The following PLPP1 variants were observed in gnomAD, a reference collection of about 807,000 sequenced individuals.
The protein encoded by PLPP1 is lipid phosphate phosphohydrolase 1a.
Under a neutral mutation model 31.2 loss-of-function variants are expected in PLPP1, and 24 were observed. That is an observed-to-expected ratio of 0.77 (90% CI 0.56 to 1.08). The LOEUF (loss-of-function observed/expected upper bound fraction) is 1.08, where lower values mean the gene tolerates loss of function less well. Among genes scored for constraint, PLPP1 ranks in the 50% least tolerant of loss-of-function variants. The pLI is 0.00. For synonymous variants in PLPP1, 146 were observed against 126.3 expected, an observed-to-expected ratio of 1.16 and a Z score of -1.05; for missense variants, 319 against 342.7, an observed-to-expected ratio of 0.93 and a Z score of 0.55.
chr5:55,433,006 G>C (rs1340584062), intron 4 of PLPP1, among the ~76,000 whole-genome samples: 1 of 151,878 alleles, frequency 6.6e-6, no homozygotes, highest in African/African-American at 2.4e-5. Context: ...TGAGCAATGA[G>C]GCAAGAGAAA....
At position 55,449,046 on chromosome 5, in the gene PLPP1, A is replaced by G. The variant is rs1361816772; in HGVS notation, c.492-7138T>C. On this transcript the variant is annotated intron_variant, in intron 3 of 5. Coordinates refer to ENST00000307259, the MANE Select transcript of PLPP1 (RefSeq NM_003711.4). ...TACAGATGCAATTTTTTTCACAAGT[A>G]TTTTCAATCCACAGTTAGTTGAATC... is the stretch of plus-strand genomic sequence containing the variant. Among the ~76,000 whole-genome samples, 4 of 152,246 alleles carry G rather than the reference A, an allele frequency of 2.6e-5. No individual in the cohort carries two copies. In the South Asian group the frequency reaches 8.3e-4, roughly 32 times the overall value.
intron 4 of PLPP1, among the ~76,000 whole-genome samples, chr5:55,435,191 TACCTC>T (rs1308657596): frequency 1.3e-5 from 2 of 152,076 alleles, no homozygotes; most frequent in African/African-American, 4.8e-5. Flanking sequence ...ACCACAATCT[TACCTC>T]AGTTAGAATG....
chr5:55,452,672 C>A (rs974726540), intron 3 of PLPP1, among the ~76,000 whole-genome samples: 4 of 152,226 alleles, frequency 2.6e-5, no homozygotes, highest in Non-Finnish European at 5.9e-5. Flanking sequence ...TCCAAGAAAC[C>A]TTTCCTAAAA....
chr5:55,501,966 A>G lies in PLPP1; in HGVS notation c.59-26516T>C, dbSNP rs191924051. On this transcript the variant is annotated intron_variant, in intron 1 of 5. Transcript: ENST00000307259. ...TAGTCACCACTTCTTGAAAAATCTT[A>G]TAAAATAATGGCACTCAGGCAGATC... 3.8e-4 allele frequency among the ~76,000 whole-genome samples: 58 copies of G among 152,354 alleles called. No homozygotes were observed. In the East Asian group the frequency reaches 0.01, roughly 27 times the overall value.
At chr5:55,455,924 A>C (rs1437372184) in intron 3 of PLPP1, among the ~76,000 whole-genome samples, 1 of 152,202 alleles carries the variant, frequency 6.6e-6, no homozygotes, top group African/African-American at 2.4e-5. Flanking sequence ...TGAACCATTA[A>C]AATTTAAGGG....
chr5:55,424,913 A>G lies in PLPP1; in HGVS notation c.*293T>C, dbSNP rs1751127397. 1 of 656,820 alleles carries G rather than the reference A, an allele frequency of 1.5e-6. No individual in the cohort carries two copies. The allele number at this position is 656,820 out of a possible 1,614,324, so 40.7% of individuals were successfully genotyped here. ...TTTAAATCAAACATCATTCATAGAA[A>G]GCATATTACATACATGTTTATACAT... On this transcript the variant is annotated 3_prime_UTR_variant, in exon 6 of 6. Transcript: ENST00000307259.
chr5:55,480,000 T>G (rs887793555), intron 1 of PLPP1, among the ~76,000 whole-genome samples: 1 of 152,180 alleles, frequency 6.6e-6, no homozygotes, highest in South Asian at 2.1e-4. Context: ...TCCAAAAGGG[T>G]TAGTGCACAC....
At chr5:55,431,666 A>G (rs1462224072) in intron 4 of PLPP1, among the ~76,000 whole-genome samples, 1 of 152,222 alleles carries the variant, frequency 6.6e-6, no homozygotes, top group African/African-American at 2.4e-5. Flanking sequence ...AAATCTAGAA[A>G]GATTTCAAGT....
chr5:55,462,849 TGTAGATCCAGCTACTCAA>T (rs1752195633), intron 3 of PLPP1, among the ~76,000 whole-genome samples: 1 of 151,920 alleles, frequency 6.6e-6, no homozygotes, highest in Non-Finnish European at 1.5e-5. Flanking sequence ...GGTGGGTGCC[TGTAGATCCAGCTACTCAA>T]GAGGCTCAGG....
At chr5:55,459,248 C>T (rs1198240661) in intron 3 of PLPP1, among the ~76,000 whole-genome samples, 2 of 150,584 alleles carry the variant, frequency 1.3e-5, no homozygotes, top group African/African-American at 4.9e-5. Context: ...AAAAACGACA[C>T]TTGTAAGTGC....
chr5:55,458,505 G>T (rs2111758945), intron 3 of PLPP1, among the ~76,000 whole-genome samples: 1 of 152,032 alleles, frequency 6.6e-6, no homozygotes, highest in African/African-American at 2.4e-5. Context: ...ATGTCAGTAG[G>T]ATACTTAAAT....
chr5:55,428,119 CT>C (rs1751256638), intron 4 of PLPP1, among the ~76,000 whole-genome samples: 2 of 152,198 alleles, frequency 1.3e-5, no homozygotes, highest in Non-Finnish European at 2.9e-5. Flanking sequence ...GTCTTTCCCC[CT>C]ATAAATAGCT....
At chr5:55,517,349 G>C (rs1168763296) in intron 1 of PLPP1, among the ~76,000 whole-genome samples, 1 of 152,014 alleles carries the variant, frequency 6.6e-6, no homozygotes, top group Admixed American at 6.6e-5. Flanking sequence ...ACCAAGCCCA[G>C]TTAATTTTGT....
intron 1 of PLPP1, among the ~76,000 whole-genome samples, chr5:55,492,150 A>G (rs150658002): frequency 6.3e-4 from 96 of 152,296 alleles, no homozygotes; most frequent in African/African-American, 2.2e-3. Context: ...CCATGCTTTT[A>G]GGCTTTGTTT....
intron 2 of PLPP1, among the ~76,000 whole-genome samples, chr5:55,469,211 G>A (rs1035620303): frequency 6.6e-6 from 1 of 152,142 alleles, no homozygotes; most frequent in Admixed American, 6.5e-5. Flanking sequence ...GTTAAGGCCG[G>A]GCACCGTGGC....
intron 4 of PLPP1, among the ~76,000 whole-genome samples, chr5:55,438,297 C>T (rs571967427): frequency 6.6e-6 from 1 of 152,330 alleles, no homozygotes; most frequent in African/African-American, 2.4e-5. Flanking sequence ...CAGCCCTGCC[C>T]TGAGCTCCCG....
intron 3 of PLPP1, among the ~76,000 whole-genome samples, chr5:55,463,469 C>T (rs1044174333): frequency 6.6e-6 from 1 of 152,012 alleles, no homozygotes; most frequent in African/African-American, 2.4e-5. Context: ...CAAGACCAGC[C>T]TGGCCAACAT....
At chr5:55,509,087 G>A (rs935396835) in intron 1 of PLPP1, among the ~76,000 whole-genome samples, 5 of 152,206 alleles carry the variant, frequency 3.3e-5, no homozygotes, top group Admixed American at 6.5e-5. Context: ...GTAACGTAGA[G>A]GGGAATGAGT....
At position 55,447,275 on chromosome 5, in the gene PLPP1, G is replaced by A. The variant is rs565614244; in HGVS notation, c.492-5367C>T. 9.9e-5 allele frequency among the ~76,000 whole-genome samples: 15 copies of A among 152,146 alleles called. No individual in the cohort carries two copies. In the East Asian group the frequency reaches 1.9e-3, roughly 20 times the overall value. Reference sequence around the variant, plus strand: ...CAGACAAAATAGTTTCAGCAACAGCGGTTTGTTTTTAATTATACAGTGACC... The same window carrying A: ...CAGACAAAATAGTTTCAGCAACAGCAGTTTGTTTTTAATTATACAGTGACC... On this transcript the variant is annotated intron_variant, in intron 3 of 5. Coordinates refer to ENST00000307259, the MANE Select transcript of PLPP1 (RefSeq NM_003711.4).
Sources: gnomAD v4.1 joint callset for allele counts (sites outside exome capture counted in the v4.1 genomes callset) on GRCh38, gnomAD v4.1.1 for gene constraint, MANE v1.5 for transcripts, NCBI Gene and HGNC (gene_info 2026-07-23, HGNC 2026-07-21) for gene names.